Variants in WDR11 observed in about 807,000 individuals in gnomAD.
WDR11 encodes WD repeat domain 11, also known as WD repeat-containing protein 11.
Under a neutral mutation model 151.2 loss-of-function variants are expected in WDR11, and 83 were observed. The ratio of observed to expected loss-of-function variants is 0.55; its 90% CI spans 0.46 to 0.66. The LOEUF is 0.66. WDR11 is among the 30% of genes least tolerant of loss of function. The pLI is 0.00. For synonymous variants in WDR11, 484 were observed against 533.1 expected (o/e 0.91, Z 1.27); for missense variants, 1,301 against 1,480.9 (o/e 0.88, Z 1.99).
intron 19 of WDR11, among the ~76,000 whole-genome samples, chr10:120,894,229 C>T (rs929030676): frequency 3.3e-5 from 5 of 152,162 alleles, no homozygotes; most frequent in Admixed American, 1.3e-4. Flanking sequence ...CAGCTTTCTA[C>T]ATATGGCTAG....
rs572778991 is a variant in WDR11, at chr10:120,908,883, G to GAGTA, written c.*174_*177dup. The GAGTA allele has an allele frequency of 2.0e-4, 142 of 707,478 alleles. 1 individual carries two copies. Among genetic ancestry groups the GAGTA allele is most frequent in the South Asian group, 1.9e-3 (117 of 61,112 alleles). The allele number at this position is 707,478 out of a possible 1,614,324, so 43.8% of individuals were successfully genotyped here. ...AAAAGCACATAAGCATCTATGTTGA[G>GAGTA]AGTAAGTTTGTATCCTGCGTTGGTC... On this transcript the variant is annotated 3_prime_UTR_variant, in exon 29 of 29. Coordinates refer to ENST00000263461, the MANE Select transcript of WDR11 (RefSeq NM_018117.12).
rs1282396890 is a variant in WDR11 at position 120,903,140 on chromosome 10, A to T, written c.2839A>T (p.Thr947Ser). 1.9e-6 allele frequency: 3 copies of T among 1,614,196 alleles called. No individual in the cohort carries two copies. Among genetic ancestry groups the T allele is most frequent in the Non-Finnish European group, 8.5e-7 (1 of 1,180,030 alleles). ...HSLSQEKSAS[T>S]TAPKEAAPRD... ...CTTATCCCAGGAAAAGTCAGCCAGCACAACAGCTCCTAAAGAAGCTGCTCC... is the reference window on the plus strand; with the variant it reads ...CTTATCCCAGGAAAAGTCAGCCAGCTCAACAGCTCCTAAAGAAGCTGCTCC... The change falls in exon 23 of 29, where the codon ACA (threonine) becomes TCA (serine). Residue 947 changes from threonine to serine, a missense_variant. Coordinates refer to ENST00000263461, the MANE Select transcript of WDR11 (RefSeq NM_018117.12).
At chr10:120,903,628 A>C (rs1034864431) in intron 23 of WDR11, among the ~76,000 whole-genome samples, 13 of 152,136 alleles carry the variant, frequency 8.5e-5, no homozygotes, top group African/African-American at 3.1e-4. Flanking sequence ...AAACATTAAA[A>C]TTTTATTATT....
At chr10:120,874,205 G>GT (rs1564703329) in intron 11 of WDR11, among the ~76,000 whole-genome samples, 1 of 78,512 alleles carries the variant, frequency 1.3e-5, no homozygotes, top group Non-Finnish European at 2.6e-5. Flanking sequence ...TGTTGTTGTT[G>GT]TTGTTTGTTT....
At chr10:120,887,820 G>A (rs1847272552) in intron 16 of WDR11, among the ~76,000 whole-genome samples, 1 of 152,148 alleles carries the variant, frequency 6.6e-6, no homozygotes, top group Non-Finnish European at 1.5e-5. Context: ...TTATGACCTG[G>A]TTTCAGAAGT....
rs1846974870 is a variant in WDR11 at position 120,880,779 on chromosome 10, CAT to C, written c.1664-46_1664-45del. ...TTGGCGTGGCTTCTTGTTTTTCATA[CAT>C]GTTTTATGCACTGTTCTCACTTTTT... On this transcript the variant is annotated intron_variant, in intron 12 of 28. Transcript: ENST00000263461. 4 of 1,508,118 alleles carry C rather than the reference CAT, an allele frequency of 2.7e-6. No individual in the cohort carries two copies. In the East Asian group the frequency reaches 7.2e-5, roughly 27 times the overall value. 93.4% of individuals were successfully genotyped at this position (1,508,118 alleles called of 1,614,324 possible). A position where few individuals can be genotyped will look rare whatever the true frequency, so the allele number is the denominator to read the frequency against.
At chr10:120,874,166 G>A (rs1453298702) in intron 11 of WDR11, among the ~76,000 whole-genome samples, 2 of 121,338 alleles carry the variant, frequency 1.6e-5, no homozygotes, top group Admixed American at 8.6e-5. Flanking sequence ...AAGTAATTGC[G>A]GTTTTTGCAG....
intron 18 of WDR11, 103 bp from the exon 19 acceptor site, chr10:120,890,613 G>A (rs1451745758): frequency 2.1e-6 from 3 of 1,403,376 alleles, no homozygotes; most frequent in Non-Finnish European, 2.0e-6. Flanking sequence ...TTCTAAACTT[G>A]AACTGGGCCT....
intron 5 of WDR11, among the ~76,000 whole-genome samples, chr10:120,864,042 A>G (rs1846228302): frequency 6.6e-6 from 1 of 152,156 alleles, no homozygotes. Flanking sequence ...AATTATATGT[A>G]TATCTTGAGT....
chr10:120,872,772 G>C (rs775010721), intron 10 of WDR11, among the ~76,000 whole-genome samples: 2 of 152,080 alleles, frequency 1.3e-5, no homozygotes, highest in Non-Finnish European at 2.9e-5. Flanking sequence ...TTTTCTCAGT[G>C]CCAAAAGGTA....
chr10:120,855,862 T>G (rs1393177755), intron 2 of WDR11, among the ~76,000 whole-genome samples: 1 of 152,240 alleles, frequency 6.6e-6, no homozygotes. Context: ...TCTTGCCATG[T>G]TGCATTGGCT....
At chr10:120,900,582 C>T (rs1446340527) in intron 20 of WDR11, among the ~76,000 whole-genome samples, 1 of 152,130 alleles carries the variant, frequency 6.6e-6, no homozygotes, top group Middle Eastern at 3.2e-3. Context: ...ATTAAATTCA[C>T]AAATATTACT....
In WDR11 at chr10:120,874,193, G is replaced by T. The variant is rs61384022; in HGVS notation, c.1556+270G>T. 0.44 allele frequency among the ~76,000 whole-genome samples: 32,025 copies of T among 73,154 alleles called. 4,765 individuals carry two copies. Among genetic ancestry groups the T allele is most frequent in the African/African-American group, 0.5 (10,527 of 20,860 alleles). 48.0% of individuals were successfully genotyped at this position (73,154 alleles called of 152,430 possible). On this transcript the variant is annotated intron_variant, in intron 11 of 28. Transcript: ENST00000263461. ...TTTTTGCAGTTTTTTTTTTTTTTTT[G>T]TTGTTGTTGTTGTTGTTTGTTTTGT...
intron 17 of WDR11, chr10:120,889,683 G>A: frequency 1.7e-6 from 1 of 574,108 alleles, no homozygotes; most frequent in Non-Finnish European, 3.1e-6. Context: ...ATTCTTAGGA[G>A]ATAGTTATCT....
chr10:120,899,066 G>T (rs1333937012), intron 19 of WDR11, among the ~76,000 whole-genome samples: 1 of 152,146 alleles, frequency 6.6e-6, no homozygotes, highest in East Asian at 1.9e-4. Flanking sequence ...TAGAGTGTAG[G>T]GTGGTCAGAG....
chr10:120,857,497 AACATAT>A (rs1410500736), intron 2 of WDR11, among the ~76,000 whole-genome samples: 1 of 151,920 alleles, frequency 6.6e-6, no homozygotes, highest in East Asian at 1.9e-4. Context: ...TATGAACTTA[AACATAT>A]ACACATACAA....
chr10:120,903,140 A>G lies in WDR11; in HGVS notation c.2839A>G (p.Thr947Ala). Residue 947 changes from threonine (T) to alanine (A), a missense_variant, in exon 23 of 29, where the codon ACA becomes GCA. Thr to Ala is a moderately conservative substitution (Grantham distance 58, BLOSUM62 0). Transcript: ENST00000263461. Reference protein sequence around the residue: ...HSLSQEKSASTTAPKEAAPRD... With the variant: ...HSLSQEKSASATAPKEAAPRD... ...CTTATCCCAGGAAAAGTCAGCCAGC[A>G]CAACAGCTCCTAAAGAAGCTGCTCC... 6.2e-7 allele frequency: 1 copy of G among 1,614,196 alleles called. No individual in the cohort carries two copies. Among genetic ancestry groups the G allele is most frequent in the Non-Finnish European group, 8.5e-7 (1 of 1,180,030 alleles).
At chr10:120,875,625 C>T (rs1303447249) in intron 11 of WDR11, among the ~76,000 whole-genome samples, 1 of 152,082 alleles carries the variant, frequency 6.6e-6, no homozygotes, top group African/African-American at 2.4e-5. Flanking sequence ...ATGCCTCAGC[C>T]TCTTGAGTAG....
intron 20 of WDR11, 73 bp from the exon 21 acceptor site, chr10:120,900,963 C>G: frequency 1.7e-6 from 2 of 1,142,886 alleles, no homozygotes; most frequent in South Asian, 2.5e-5. Flanking sequence ...ATTAACACAA[C>G]TTTTTTCAGG....
Sources: allele counts gnomAD v4.1 joint callset (sites outside exome capture counted in the v4.1 genomes callset), GRCh38; gene constraint gnomAD v4.1.1; transcripts MANE v1.5; gene names NCBI Gene and HGNC (gene_info 2026-07-23, HGNC 2026-07-21).